The following DNAI2 variants were observed in gnomAD, a reference collection of about 807,000 sequenced individuals.
DNAI2 encodes the protein dynein, axonemal, intermediate polypeptide 2.
DNAI2 carries 63 observed loss-of-function variants against 74.7 expected under a neutral mutation model. The ratio of observed to expected loss-of-function variants is 0.84; its 90% CI spans 0.69 to 1.04. The LOEUF is 1.04. Ranked by LOEUF, DNAI2 falls within the 50% of genes least tolerant of loss-of-function variation. DNAI2 has a pLI of 0.00. For missense variants in DNAI2, 688 were observed against 803.2 expected (o/e 0.86, Z 1.73); for synonymous variants, 289 against 314.9 (o/e 0.92, Z 0.87).
intron 11 of DNAI2, among the ~76,000 whole-genome samples, chr17:74,311,287 C>T (rs900199786): frequency 6.6e-6 from 1 of 152,218 alleles, no homozygotes; most frequent in Non-Finnish European, 1.5e-5. Flanking sequence ...GGCAACCCCC[C>T]AGAACCATGG....
intron 1 of DNAI2, among the ~76,000 whole-genome samples, chr17:74,278,794 A>T (rs930385447): frequency 6.6e-6 from 1 of 152,162 alleles, no homozygotes; most frequent in African/African-American, 2.4e-5. Context: ...AAAGAAAAGA[A>T]AAGAAAGAAT....
At chr17:74,292,132 T>G (rs1358956419) in intron 6 of DNAI2, among the ~76,000 whole-genome samples, 1 of 152,256 alleles carries the variant, frequency 6.6e-6, no homozygotes, top group East Asian at 1.9e-4. Context: ...TCCAAAGTAC[T>G]GGGATTACTG....
intron 4 of DNAI2, among the ~76,000 whole-genome samples, chr17:74,289,068 T>G (rs1261737203): frequency 2.0e-5 from 3 of 152,220 alleles, no homozygotes; most frequent in Non-Finnish European, 2.9e-5. Flanking sequence ...AGAACTCTTT[T>G]CTGAGGCAGG....
At chr17:74,287,247 C>T in intron 4 of DNAI2, 149 bp downstream of exon 4, 1 of 1,321,548 alleles carries the variant, frequency 7.6e-7, no homozygotes, top group South Asian at 1.3e-5. Context: ...GATAAGTCAC[C>T]CAGCAGAGAA....
intron 4 of DNAI2, among the ~76,000 whole-genome samples, chr17:74,288,144 G>C (rs1459823146): frequency 6.6e-6 from 1 of 152,126 alleles, no homozygotes; most frequent in Admixed American, 6.6e-5. Context: ...GCAAATCCAG[G>C]AGAAACCGTA....
chr17:74,290,432 C>A (rs1205982269), intron 5 of DNAI2, among the ~76,000 whole-genome samples: 1 of 152,182 alleles, frequency 6.6e-6, no homozygotes, highest in Non-Finnish European at 1.5e-5. Context: ...TCATGGCCTG[C>A]AGGGGCAGCG....
intron 6 of DNAI2, among the ~76,000 whole-genome samples, chr17:74,296,514 G>A (rs533875474): frequency 5.9e-5 from 9 of 152,058 alleles, no homozygotes; most frequent in Non-Finnish European, 1.2e-4. Flanking sequence ...CACTGTACTC[G>A]GCCCAGCTTT....
At chr17:74,295,781 TA>T (rs1487521968) in intron 6 of DNAI2, among the ~76,000 whole-genome samples, 1 of 152,236 alleles carries the variant, frequency 6.6e-6, no homozygotes, top group Non-Finnish European at 1.5e-5. Flanking sequence ...TACATTTTCT[TA>T]GCTAGTTCTG....
At chr17:74,281,778 T>C (rs749949776) in intron 1 of DNAI2, 29 bp from the exon 2 acceptor site, 12 of 1,604,770 alleles carry the variant, frequency 7.5e-6, no homozygotes, top group Non-Finnish European at 1.0e-5. Flanking sequence ...GTGGGGTCCC[T>C]CACCCCACAC....
chr17:74,313,341 C>T (rs1353982133), intron 12 of DNAI2, among the ~76,000 whole-genome samples: 1 of 152,146 alleles, frequency 6.6e-6, no homozygotes, highest in Non-Finnish European at 1.5e-5. Flanking sequence ...TTTGGGGGTA[C>T]TTGGTTATGA....
At chr17:74,301,216 C>A in intron 8 of DNAI2, 48 bp downstream of exon 8, 1 of 1,610,066 alleles carries the variant, frequency 6.2e-7, no homozygotes, top group Non-Finnish European at 8.5e-7. Flanking sequence ...GACAGGGCAG[C>A]CAGGGCTAAA....
rs1309818285 is a variant in DNAI2, at chr17:74,300,484, G to A, written c.865-562G>A. On this transcript the variant is annotated intron_variant, in intron 7 of 13. Coordinates refer to ENST00000311014, the MANE Select transcript of DNAI2 (RefSeq NM_023036.6). This position sits in a 1 kb window ranked among gnomAD's most constrained non-coding sequence, Gnocchi z 4.5. ...TTCTGTACTCGATGTTTTCCATTGTGTGTACCTTGGAGATAGTTTCATATT... is the reference window on the plus strand; with the variant it reads ...TTCTGTACTCGATGTTTTCCATTGTATGTACCTTGGAGATAGTTTCATATT... Among the ~76,000 whole-genome samples the A allele has an allele frequency of 6.6e-6, 1 of 152,106 alleles. No individual in the cohort carries two copies. The highest frequency in any genetic ancestry group is 1.5e-5 in the Non-Finnish European group (1 of 68,030).
Position 74,300,709 on chromosome 17 carries a change from G to C in DNAI2, c.865-337G>C, listed in dbSNP as rs2052710936. Among the ~76,000 whole-genome samples, 7 of 152,334 alleles carry C rather than the reference G, an allele frequency of 4.6e-5. No homozygotes were observed. In the South Asian group the frequency reaches 1.4e-3, roughly 32 times the overall value. On this transcript the variant is annotated intron_variant, in intron 7 of 13. Coordinates refer to ENST00000311014, the MANE Select transcript of DNAI2 (RefSeq NM_023036.6). This position sits in a 1 kb window ranked among gnomAD's most constrained non-coding sequence, Gnocchi z 4.5. The stretch of plus-strand genomic sequence containing the variant: ...GGGACTTCTAGGTCGGAGCACACAT[G>C]CATTTTTAACATTGCCGGATATTGC...
Position 74,287,040 on chromosome 17 carries a change from G to C in DNAI2, c.409G>C (p.Glu137Gln). Reference protein sequence around the residue: ...IDIYEEYFNDEEAMEVMEEDP... With the variant: ...IDIYEEYFNDQEAMEVMEEDP... ...CATCTATGAAGAGTATTTCAATGAC[G>C]AGGAGGCCATGGAAGTGATGGAGGA... is the stretch of plus-strand genomic sequence containing the variant. Residue 137 changes from glutamate (E) to glutamine (Q), a missense_variant, in exon 4 of 14, where the codon GAG (glutamate) becomes CAG (glutamine). Coordinates refer to ENST00000311014, the MANE Select transcript of DNAI2 (RefSeq NM_023036.6). 1 of 1,613,880 alleles carries C rather than the reference G, an allele frequency of 6.2e-7. No homozygotes were observed. Among genetic ancestry groups the C allele is most frequent in the South Asian group, 1.1e-5 (1 of 91,066 alleles).
intron 8 of DNAI2, among the ~76,000 whole-genome samples, chr17:74,301,473 G>A (rs2052760541): frequency 1.3e-5 from 2 of 152,224 alleles, no homozygotes; most frequent in Non-Finnish European, 2.9e-5. Flanking sequence ...GTTTTGTGGG[G>A]AAGGTCACGC....
At chr17:74,290,917 CTGCCACCA>C in intron 5 of DNAI2, 95 bp from the exon 6 acceptor site, 1 of 992,496 alleles carries the variant, frequency 1.0e-6, no homozygotes, top group African/African-American at 1.6e-5. Context: ...GCTTCCCCCT[CTGCCACCA>C]TGCCCCCGCT....
chr17:74,279,610 G>A (rs889890390), intron 1 of DNAI2, among the ~76,000 whole-genome samples: 1 of 152,110 alleles, frequency 6.6e-6, no homozygotes, highest in African/African-American at 2.4e-5. Flanking sequence ...TCACTGCAAC[G>A]TCTACCTTCC....
chr17:74,278,267 CAAA>C (rs71361610), intron 1 of DNAI2, among the ~76,000 whole-genome samples: 1 of 143,946 alleles, frequency 6.9e-6, no homozygotes, highest in African/African-American at 2.5e-5. Context: ...CTCAACTCTA[CAAA>C]AAAAAAAAAA....
In DNAI2 at chr17:74,312,203, AGACGCCATAAAGCT is replaced by A; in HGVS notation, c.1703_1716del (p.Ile568SerfsTer26). 1 of 1,596,340 alleles carries A rather than the reference AGACGCCATAAAGCT, an allele frequency of 6.3e-7. No individual in the cohort carries two copies. Among genetic ancestry groups the A allele is most frequent in the Non-Finnish European group, 8.5e-7 (1 of 1,173,996 alleles). On this transcript the variant is annotated frameshift_variant, in exon 12 of 14. Coordinates refer to ENST00000311014, the MANE Select transcript of DNAI2 (RefSeq NM_023036.6). LOFTEE classifies it high-confidence loss of function. ...TCGCAGAGCTGAAGAAGAAGGAGGC[AGACGCCATAAAGCT>A]GACGCCAGTGCCTGTAGGGGCCTGG... is the stretch of plus-strand genomic sequence containing the variant.
Sources: allele counts gnomAD v4.1 joint callset (sites outside exome capture counted in the v4.1 genomes callset), GRCh38; gene constraint gnomAD v4.1.1; non-coding constraint Gnocchi (gnomAD v3.1); transcripts MANE v1.5; gene names NCBI Gene and HGNC (gene_info 2026-07-23, HGNC 2026-07-21).